The following GRK3 variants were observed in gnomAD, a reference collection of about 807,000 sequenced individuals.
GRK3 encodes adrenergic, beta, receptor kinase 2.
A neutral mutation model predicts 95.7 loss-of-function variants in GRK3; 54 were observed. The observed-to-expected ratio is 0.56, with a 90% CI of 0.45 to 0.71. The LOEUF is 0.71. GRK3 is among the 30% of genes least tolerant of loss of function. The pLI is 0.00. For missense variants in GRK3, 649 were observed against 851.2 expected, an observed-to-expected ratio of 0.76 and a Z score of 2.96; for synonymous variants, 281 against 290.8, an observed-to-expected ratio of 0.97 and a Z score of 0.34.
intron 3 of GRK3, among the ~76,000 whole-genome samples, chr22:25,649,871 T>C (rs1011480222): frequency 1.3e-5 from 2 of 152,190 alleles, no homozygotes; most frequent in African/African-American, 4.8e-5. Context: ...TACGTTAACA[T>C]TCATATTAAT....
chr22:25,678,990 C>A, intron 9 of GRK3, 75 bp downstream of exon 9: 1 of 1,036,548 alleles, frequency 9.6e-7, no homozygotes, highest in Non-Finnish European at 1.4e-6. Flanking sequence ...ATTATTTTTC[C>A]TTCTAGCTGA....
Position 25,725,731 on chromosome 22 carries a change from G to C in GRK3, c.*3281G>C. ...GGAGGCCGAGAGGGGCGGTTCACGAGGTCAGGAGATTGAGACCATCCTGGT... is the reference window on the plus strand; with the variant it reads ...GGAGGCCGAGAGGGGCGGTTCACGACGTCAGGAGATTGAGACCATCCTGGT... On this transcript the variant is annotated 3_prime_UTR_variant, in exon 21 of 21. Transcript: ENST00000324198. 2.5e-6 allele frequency: 1 copy of C among 397,668 alleles called. No individual in the cohort carries two copies. 24.6% of individuals were successfully genotyped at this position (397,668 alleles called of 1,614,324 possible). A position where few individuals can be genotyped will look rare whatever the true frequency, so the allele number is the denominator to read the frequency against.
chr22:25,651,534 G>A (rs111429408), intron 3 of GRK3, among the ~76,000 whole-genome samples: 21 of 152,344 alleles, frequency 1.4e-4, no homozygotes, highest in Middle Eastern at 6.8e-3. Flanking sequence ...TTCCTAAGAA[G>A]AGTGACGTCA....
At chr22:25,651,919 C>G (rs2084834055) in intron 3 of GRK3, among the ~76,000 whole-genome samples, 1 of 152,044 alleles carries the variant, frequency 6.6e-6, no homozygotes, top group African/African-American at 2.4e-5. Flanking sequence ...AGGAAGTTAG[C>G]AAAAACAGCC....
chr22:25,579,096 A>G (rs1401347995), intron 1 of GRK3, among the ~76,000 whole-genome samples: 1 of 152,116 alleles, frequency 6.6e-6, no homozygotes, highest in African/African-American at 2.4e-5. Context: ...CTTTCCTGTA[A>G]AAACTGCTTC....
chr22:25,640,430 A>G lies in GRK3; in HGVS notation c.191-4162A>G, dbSNP rs2084734653. Among the ~76,000 whole-genome samples, 4 of 152,336 alleles carry G rather than the reference A, an allele frequency of 2.6e-5. No individual in the cohort carries two copies. In the South Asian group the frequency reaches 8.3e-4, roughly 32 times the overall value. On this transcript the variant is annotated intron_variant, in intron 2 of 20. Coordinates refer to ENST00000324198, the MANE Select transcript of GRK3 (RefSeq NM_005160.4). ...GCTTTATTGGAAAAACACTGTTTTC[A>G]CAATCACATCCTCAGTGAATAACAC...
At chr22:25,700,168 T>C (rs1462323784) in intron 13 of GRK3, among the ~76,000 whole-genome samples, 1 of 152,184 alleles carries the variant, frequency 6.6e-6, no homozygotes, top group African/African-American at 2.4e-5. Context: ...GAAGGTGTTT[T>C]GCATCCCTGG....
chr22:25,634,287 T>C (rs535183038), intron 2 of GRK3, among the ~76,000 whole-genome samples: 1 of 152,200 alleles, frequency 6.6e-6, no homozygotes, highest in South Asian at 2.1e-4. Context: ...GGTTTAGAGA[T>C]CCTGGTTTAG....
At chr22:25,624,696 C>T (rs994262645) in intron 2 of GRK3, among the ~76,000 whole-genome samples, 15 of 152,190 alleles carry the variant, frequency 9.9e-5, no homozygotes, top group Non-Finnish European at 1.9e-4. Flanking sequence ...TGAGGTGCCT[C>T]TTTAATGTTT....
intron 3 of GRK3, among the ~76,000 whole-genome samples, chr22:25,651,658 A>G (rs2084831652): frequency 2.0e-5 from 3 of 152,224 alleles, no homozygotes; most frequent in Admixed American, 2.0e-4. Context: ...TATGTTATGT[A>G]CTAAATCTGA....
At chr22:25,709,291 C>T (rs980544662) in intron 15 of GRK3, among the ~76,000 whole-genome samples, 4 of 152,078 alleles carry the variant, frequency 2.6e-5, no homozygotes, top group African/African-American at 7.2e-5. Flanking sequence ...CCCGCCTCAG[C>T]CTCCCAAAGT....
At chr22:25,687,403 T>G in intron 10 of GRK3, 134 bp from the exon 11 acceptor site, 2 of 813,570 alleles carry the variant, frequency 2.5e-6, no homozygotes, top group Non-Finnish European at 3.8e-6. Flanking sequence ...ACTACAGGAA[T>G]GAAACATAGG....
At chr22:25,591,026 A>G (rs5996958) in intron 1 of GRK3, among the ~76,000 whole-genome samples, 33,118 of 151,710 alleles carry the variant, frequency 0.22, 7,705 homozygotes, top group African/African-American at 0.59. Context: ...CCCCCTCCCC[A>G]CTGCTAGGTT....
intron 1 of GRK3, among the ~76,000 whole-genome samples, chr22:25,578,799 C>T (rs551893191): frequency 8.6e-5 from 13 of 152,028 alleles, no homozygotes; most frequent in Admixed American, 5.2e-4. Flanking sequence ...ACACTCTGAC[C>T]GACCTCAGCC....
intron 2 of GRK3, among the ~76,000 whole-genome samples, chr22:25,605,521 A>T (rs755175737): frequency 1.3e-5 from 2 of 152,148 alleles, no homozygotes; most frequent in African/African-American, 2.4e-5. Flanking sequence ...GGAAAAAGGA[A>T]TTATCTTTTT....
chr22:25,663,126 CCAT>C (rs2084920126), intron 4 of GRK3, among the ~76,000 whole-genome samples: 1 of 152,142 alleles, frequency 6.6e-6, no homozygotes, highest in Non-Finnish European at 1.5e-5. Context: ...AACAATCCTC[CCAT>C]CTCAGCCTCC....
chr22:25,654,659 C>G (rs1252940116), intron 3 of GRK3, among the ~76,000 whole-genome samples: 1 of 152,170 alleles, frequency 6.6e-6, no homozygotes, highest in Non-Finnish European at 1.5e-5. Context: ...CCAGTTTCAG[C>G]ATTTACTAAG....
At chr22:25,651,894 A>T (rs2084833837) in intron 3 of GRK3, among the ~76,000 whole-genome samples, 1 of 152,206 alleles carries the variant, frequency 6.6e-6, no homozygotes, top group Non-Finnish European at 1.5e-5. Flanking sequence ...TGTGGAAGTT[A>T]ACCTTTACCA....
At chr22:25,714,912 A>C (rs970989814) in intron 18 of GRK3, 2 of 170,476 alleles carry the variant, frequency 1.2e-5, no homozygotes, top group Admixed American at 6.3e-5. Context: ...CTGTGCGGTC[A>C]TCTGGGCACC....
Sources: gnomAD v4.1 joint callset for allele counts (sites outside exome capture counted in the v4.1 genomes callset) on GRCh38, gnomAD v4.1.1 for gene constraint, MANE v1.5 for transcripts, NCBI Gene and HGNC (gene_info 2026-07-23, HGNC 2026-07-21) for gene names.